Variants in POLA1 observed in about 807,000 individuals in gnomAD.
POLA1 encodes DNA polymerase alpha 1, catalytic subunit, also known as DNA polymerase alpha catalytic subunit.
POLA1 carries 15 observed loss-of-function variants against 124.0 expected under a neutral mutation model. That is an observed-to-expected ratio of 0.12 (90% CI 0.08 to 0.19). The LOEUF (loss-of-function observed/expected upper bound fraction) is 0.19, where lower values mean the gene tolerates loss of function less well. Ranked by LOEUF, POLA1 falls within the 10% of genes least tolerant of loss-of-function variation. The pLI, the probability that POLA1 is intolerant of heterozygous loss-of-function variation, is 1.00. For synonymous variants in POLA1, 408 were observed against 389.4 expected (o/e 1.05, Z -0.56); for missense variants, 886 against 1,103.4 (o/e 0.80, Z 2.79).
chrX:24,898,648 A>T (rs1244150493), intron 35 of POLA1, among the ~76,000 whole-genome samples: 1 of 112,057 alleles, frequency 8.9e-6, no homozygotes, highest in Non-Finnish European at 1.9e-5. Context: ...CAACCTTGAG[A>T]TGCAGATCGC....
intron 35 of POLA1, among the ~76,000 whole-genome samples, chrX:24,912,278 AAG>A (rs1569359805): frequency 8.9e-6 from 1 of 112,354 alleles, no homozygotes; most frequent in African/African-American, 3.2e-5. Context: ...AGTAATGCAT[AAG>A]AGAAAATCTT....
At chrX:24,973,167 G>C (rs1010903189) in intron 36 of POLA1, among the ~76,000 whole-genome samples, 3 of 111,499 alleles carry the variant, frequency 2.7e-5, no homozygotes, top group Non-Finnish European at 5.7e-5. Context: ...ACCAGCCATG[G>C]CCAACATGGT....
chrX:24,898,908 T>G (rs1014209771), intron 35 of POLA1, among the ~76,000 whole-genome samples: 1 of 111,838 alleles, frequency 8.9e-6, no homozygotes, highest in Non-Finnish European at 1.9e-5. Flanking sequence ...TGTCTTCTCT[T>G]TTTGTCATCT....
At chrX:24,710,529 A>G (rs73626825) in intron 4 of POLA1, among the ~76,000 whole-genome samples, 1 of 111,643 alleles carries the variant, frequency 9.0e-6, no homozygotes, top group Non-Finnish European at 1.9e-5. Context: ...TAGTTGATGG[A>G]CATTTGGATT....
At chrX:24,949,322 A>C (rs2048004232) in intron 36 of POLA1, among the ~76,000 whole-genome samples, 2 of 111,821 alleles carry the variant, frequency 1.8e-5, no homozygotes, top group South Asian at 7.5e-4. Context: ...ATTTTTAAAT[A>C]AAATCAATAT....
chrX:24,781,815 A>G (rs952808138), intron 26 of POLA1, among the ~76,000 whole-genome samples: 1 of 111,996 alleles, frequency 8.9e-6, no homozygotes, highest in East Asian at 2.8e-4. Flanking sequence ...ATTAGGTCAT[A>G]TTAATGCTAT....
At chrX:24,811,326 G>T (rs922736921) in intron 28 of POLA1, among the ~76,000 whole-genome samples, 1 of 107,771 alleles carries the variant, frequency 9.3e-6, no homozygotes, top group African/African-American at 3.4e-5. Context: ...AGGCTGGAGT[G>T]CAGTGGCGTG....
chrX:24,968,508 G>A (rs1277915180), intron 36 of POLA1, among the ~76,000 whole-genome samples: 1 of 110,399 alleles, frequency 9.1e-6, no homozygotes, highest in Non-Finnish European at 1.9e-5. Flanking sequence ...GACCATCCTG[G>A]CTAACACGGT....
chrX:24,931,043 A>G (rs1212661979), intron 36 of POLA1, among the ~76,000 whole-genome samples: 1 of 111,257 alleles, frequency 9.0e-6, no homozygotes, highest in Non-Finnish European at 1.9e-5. Context: ...AGCCCGTATG[A>G]TCAGCTGTTG....
At chrX:24,985,679 G>A (rs768310394) in intron 36 of POLA1, among the ~76,000 whole-genome samples, 17 of 112,411 alleles carry the variant, frequency 1.5e-4, no homozygotes, top group African/African-American at 5.5e-4. Flanking sequence ...CCAGCATGAC[G>A]CTCAAAGGAA....
chrX:24,907,245 G>C (rs1357782735), intron 35 of POLA1, among the ~76,000 whole-genome samples: 1 of 110,682 alleles, frequency 9.0e-6, no homozygotes, highest in African/African-American at 3.3e-5. Flanking sequence ...GACTGGGAGG[G>C]GGAAAAAGGA....
At chrX:24,707,456 A>G (rs1252861570) in intron 4 of POLA1, among the ~76,000 whole-genome samples, 2 of 111,981 alleles carry the variant, frequency 1.8e-5, no homozygotes, top group Admixed American at 1.9e-4. Flanking sequence ...ACTGAAGAGA[A>G]TGATTTGATC....
chrX:24,935,343 G>A (rs1000947093), intron 36 of POLA1, among the ~76,000 whole-genome samples: 1 of 112,655 alleles, frequency 8.9e-6, no homozygotes, highest in Non-Finnish European at 1.9e-5. Context: ...GGAACACTAG[G>A]ATGTAGAATT....
chrX:24,728,707 A>G (rs1883741384), intron 15 of POLA1, among the ~76,000 whole-genome samples: 1 of 111,942 alleles, frequency 8.9e-6, no homozygotes. Context: ...GTTGGCAGGC[A>G]ATCAATTGTC....
At chrX:24,885,685 C>T (rs1031322216) in intron 34 of POLA1, among the ~76,000 whole-genome samples, 1 of 111,446 alleles carries the variant, frequency 9.0e-6, no homozygotes, top group Non-Finnish European at 1.9e-5. Context: ...CCACCACACT[C>T]GGCTATTTTT....
intron 26 of POLA1, among the ~76,000 whole-genome samples, chrX:24,794,914 C>T (rs1213851759): frequency 3.6e-5 from 4 of 109,961 alleles, no homozygotes; most frequent in African/African-American, 1.3e-4. Context: ...TCGTCAAAAG[C>T]AGTTTGTACA....
chrX:24,742,032 C>T lies in POLA1; in HGVS notation c.2377C>T (p.Arg793Cys). The T allele has an allele frequency of 1.7e-6, 2 of 1,201,874 alleles. No individual in the cohort carries two copies. The highest frequency in any genetic ancestry group is 2.3e-6 in the Non-Finnish European group (2 of 888,035). The change falls in exon 22 of 37, where the codon CGT (arginine) becomes TGT (cysteine). Residue 793 changes from arginine to cysteine, a missense_variant. Arg to Cys is a radical substitution (Grantham distance 180, BLOSUM62 -3). This residue lies in a region of POLA1 where 182 missense variants were observed against 252.8 expected (regional missense o/e 0.72). Coordinates refer to ENST00000379068, the MANE Select transcript of POLA1 (RefSeq NM_001330360.2). ...GACGCTGATGGGTGGACGATCCGAG[C>T]GTAACGAGTTCTTGTTGCTTCATGC... ...SRTLMGGRSE[R>C]NEFLLLHAFY...
intron 30 of POLA1, among the ~76,000 whole-genome samples, chrX:24,817,707 AC>A (rs1394335402): frequency 9.0e-6 from 1 of 110,821 alleles, no homozygotes; most frequent in Non-Finnish European, 1.9e-5. Context: ...TGATGCAAGT[AC>A]AGTAAATTCT....
intron 32 of POLA1, among the ~76,000 whole-genome samples, chrX:24,833,055 C>T (rs2046289201): frequency 9.1e-6 from 1 of 110,270 alleles, no homozygotes; most frequent in Admixed American, 9.7e-5. Context: ...TATTTCTCAC[C>T]CCCATCCCAC....
Sources: allele counts gnomAD v4.1 joint callset (sites outside exome capture counted in the v4.1 genomes callset), GRCh38; gene constraint gnomAD v4.1.1; regional missense constraint gnomAD v4.1.1; transcripts MANE v1.5; gene names NCBI Gene and HGNC (gene_info 2026-07-23, HGNC 2026-07-21).